Variants in CSTA observed in about 807,000 individuals in gnomAD.
The protein encoded by CSTA is cystatin A.
CSTA carries 9 observed loss-of-function variants against 9.2 expected under a neutral mutation model. The observed-to-expected ratio is 0.97, with a 90% CI of 0.59 to 1.70. The LOEUF is 1.70. CSTA is among the 40% of genes most tolerant of loss of function. The probability of loss-of-function intolerance (pLI) is 0.00; values close to 1 mark genes in which losing one functional copy is unlikely to be tolerated. For synonymous variants in CSTA, 36 were observed against 40.6 expected (o/e 0.89, Z 0.43); for missense variants, 118 against 113.1 (o/e 1.04, Z -0.20).
At chr3:122,330,575 T>A (rs933467170) in intron 1 of CSTA, among the ~76,000 whole-genome samples, 4 of 152,216 alleles carry the variant, frequency 2.6e-5, no homozygotes, top group African/African-American at 7.2e-5. Flanking sequence ...ATTCTGAAGA[T>A]AACAGAGACT....
In CSTA at chr3:122,341,500, A is replaced by G. The variant is rs1279704717; in HGVS notation, c.230A>G (p.Asn77Ser). ...GTATTCAAAAGTCTTCCCGGACAAA[A>G]TGAGGACTTGGTACTTACTGGATAC... ...LKVFKSLPGQNEDLVLTGYQV... is the reference protein window; with the variant it reads ...LKVFKSLPGQSEDLVLTGYQV... The change falls in exon 3 of 3, where the codon AAT becomes AGT. Residue 77 changes from asparagine (N) to serine (S), a missense_variant. Coordinates refer to ENST00000264474, the MANE Select transcript of CSTA (RefSeq NM_005213.4). The G allele has an allele frequency of 1.9e-6, 3 of 1,614,098 alleles. No homozygotes were observed. The highest frequency in any genetic ancestry group is 2.2e-5 in the South Asian group (2 of 91,078).
chr3:122,341,521 G>T lies in CSTA; in HGVS notation c.251G>T (p.Gly84Val). 6.2e-7 allele frequency: 1 copy of T among 1,614,088 alleles called. No individual in the cohort carries two copies. Among genetic ancestry groups the T allele is most frequent in the Middle Eastern group, 1.6e-4 (1 of 6,062 alleles). ...PGQNEDLVLT[G>V]YQVDKNKDDE... Reference sequence around the variant, plus strand: ...CAAAATGAGGACTTGGTACTTACTGGATACCAGGTTGACAAAAACAAGGAT... The same window carrying T: ...CAAAATGAGGACTTGGTACTTACTGTATACCAGGTTGACAAAAACAAGGAT... The change falls in exon 3 of 3, where the codon GGA becomes GTA. Residue 84 changes from glycine to valine, a missense_variant. Gly to Val is a moderately radical substitution (Grantham distance 109, BLOSUM62 -3). Coordinates refer to ENST00000264474, the MANE Select transcript of CSTA (RefSeq NM_005213.4).
intron 1 of CSTA, among the ~76,000 whole-genome samples, chr3:122,327,566 A>C (rs564458414): frequency 1.3e-5 from 2 of 151,970 alleles, no homozygotes; most frequent in East Asian, 1.9e-4. Context: ...AGGGTGCCAA[A>C]ATAAAATTTG....
intron 2 of CSTA, among the ~76,000 whole-genome samples, chr3:122,340,982 C>A (rs1485721964): frequency 2.0e-5 from 3 of 151,924 alleles, no homozygotes; most frequent in Admixed American, 2.0e-4. Context: ...TGCTCTATCA[C>A]CCAGGCTGGA....
intron 1 of CSTA, among the ~76,000 whole-genome samples, chr3:122,327,997 C>T (rs1268035656): frequency 6.6e-6 from 1 of 152,162 alleles, no homozygotes; most frequent in Non-Finnish European, 1.5e-5. Context: ...AGGGAGGAAG[C>T]TGCTTCCCTT....
intron 1 of CSTA, among the ~76,000 whole-genome samples, chr3:122,326,317 C>T (rs760557676): frequency 6.6e-6 from 1 of 152,136 alleles, no homozygotes; most frequent in Admixed American, 6.5e-5. Flanking sequence ...AGGCGTGAGC[C>T]ACCACACCCA....
chr3:122,334,364 G>A (rs2075224722), intron 1 of CSTA, among the ~76,000 whole-genome samples: 1 of 152,118 alleles, frequency 6.6e-6, no homozygotes, highest in Admixed American at 6.5e-5. Flanking sequence ...CAGTAGTAAA[G>A]GTTCAAAACA....
At chr3:122,339,111 A>T (rs1425044204) in intron 2 of CSTA, among the ~76,000 whole-genome samples, 2 of 152,130 alleles carry the variant, frequency 1.3e-5, no homozygotes, top group East Asian at 3.9e-4. Context: ...ATGTATTTCA[A>T]GTACCTATCA....
intron 1 of CSTA, among the ~76,000 whole-genome samples, chr3:122,332,752 A>G (rs2075211679): frequency 6.6e-6 from 1 of 152,188 alleles, no homozygotes; most frequent in Admixed American, 6.5e-5. Context: ...TCCCGTCACC[A>G]TCACGCGTGG....
Position 122,341,419 on chromosome 3 carries a change from C to T in CSTA, c.169-20C>T, listed in dbSNP as rs2075264496. ...TTGAATGAATCTCCTTTTGCTTTCT[C>T]TTTCTTTAATATTTTTCAGGTACGA... On this transcript the variant is annotated intron_variant, in intron 2 of 2. Transcript: ENST00000264474. 2 of 1,613,298 alleles carry T rather than the reference C, an allele frequency of 1.2e-6. No individual in the cohort carries two copies.
intron 2 of CSTA, among the ~76,000 whole-genome samples, chr3:122,339,905 A>T (rs145652763): frequency 2.4e-4 from 36 of 152,324 alleles, no homozygotes; most frequent in African/African-American, 7.9e-4. Context: ...CTAGAGGCTA[A>T]CAGATCTGGG....
intron 1 of CSTA, among the ~76,000 whole-genome samples, chr3:122,333,693 A>G (rs2075220233): frequency 6.7e-6 from 1 of 150,182 alleles, no homozygotes; most frequent in Non-Finnish European, 1.5e-5. Context: ...AAAGAAAGAG[A>G]GAGAGAAAGA....
intron 1 of CSTA, among the ~76,000 whole-genome samples, chr3:122,333,763 G>A (rs1317693977): frequency 6.6e-6 from 1 of 151,942 alleles, no homozygotes; most frequent in Admixed American, 6.6e-5. Context: ...AGAAAGGCTG[G>A]TTGGCTTAGG....
intron 1 of CSTA, among the ~76,000 whole-genome samples, chr3:122,332,272 C>T (rs1306588691): frequency 6.6e-6 from 1 of 152,144 alleles, no homozygotes; most frequent in East Asian, 1.9e-4. Flanking sequence ...CCAGTCCTTC[C>T]TCTCTTAGCC....
At chr3:122,335,910 G>C (rs1422610703) in intron 1 of CSTA, among the ~76,000 whole-genome samples, 1 of 151,202 alleles carries the variant, frequency 6.6e-6, no homozygotes, top group Non-Finnish European at 1.5e-5. Context: ...GGGATTACAG[G>C]CATGAGCCAC....
chr3:122,327,528 CAAAAAAAAAAAAAA>C, intron 1 of CSTA, among the ~76,000 whole-genome samples: 1 of 44,092 alleles, frequency 2.3e-5, no homozygotes, highest in East Asian at 5.3e-4. Flanking sequence ...GACTCCGTCT[CAAAAAAAAAAAAAA>C]AAAAAAAAAA....
intron 1 of CSTA, among the ~76,000 whole-genome samples, chr3:122,331,954 T>A (rs2075207012): frequency 6.6e-6 from 1 of 152,198 alleles, no homozygotes; most frequent in South Asian, 2.1e-4. Flanking sequence ...CATTATTTTC[T>A]CATAAGGAGC....
chr3:122,338,971 T>C (rs1005356424), intron 2 of CSTA, among the ~76,000 whole-genome samples: 1 of 152,194 alleles, frequency 6.6e-6, no homozygotes, highest in Non-Finnish European at 1.5e-5. Context: ...TTCCTTCTGC[T>C]ATCAAACTTT....
chr3:122,334,213 C>A (rs1388673288), intron 1 of CSTA, among the ~76,000 whole-genome samples: 2 of 152,218 alleles, frequency 1.3e-5, no homozygotes, highest in Non-Finnish European at 2.9e-5. Flanking sequence ...AACAATCACA[C>A]TTTTCCCGTC....
Sources: allele counts gnomAD v4.1 joint callset (sites outside exome capture counted in the v4.1 genomes callset), GRCh38; gene constraint gnomAD v4.1.1; transcripts MANE v1.5; gene names NCBI Gene and HGNC (gene_info 2026-07-23, HGNC 2026-07-21).